PIGW: variants seen among roughly 807,000 people sequenced by gnomAD.
The protein encoded by PIGW is glucosaminyl-phosphatidylinositol-acyltransferase PIGW.
PIGW carries 23 observed loss-of-function variants against 34.0 expected under a neutral mutation model. The observed-to-expected ratio is 0.68, with a 90% CI of 0.49 to 0.96. The LOEUF (loss-of-function observed/expected upper bound fraction) is 0.96. Among genes scored for constraint, PIGW ranks in the 40% least tolerant of loss-of-function variants. PIGW has a pLI of 0.00. For synonymous variants in PIGW, 225 were observed against 225.2 expected, an observed-to-expected ratio of 1.00 and a Z score of 0.01; for missense variants, 574 against 586.3, an observed-to-expected ratio of 0.98 and a Z score of 0.22.
At position 36,537,331 on chromosome 17, in the gene PIGW, C is replaced by T. The variant is rs762681049; in HGVS notation, c.230C>T (p.Ser77Leu). 4.3e-5 allele frequency: 70 copies of T among 1,613,868 alleles called. No homozygotes were observed. The highest frequency in any genetic ancestry group is 5.7e-5 in the Non-Finnish European group (67 of 1,180,028). ...PMVATLTIWA[S>L]FILLELLGVI... is the part of the protein sequence containing the mutation. ...GTAGCCACTTTGACCATTTGGGCTT[C>T]ATTTATCCTCCTTGAGCTTCTCGGT... The change falls in exon 2 of 2, where the codon TCA (serine) becomes TTA (leucine). Residue 77 changes from serine to leucine, a missense_variant. Ser to Leu is a moderately radical substitution (Grantham distance 145). Transcript: ENST00000614443.
At chr17:36,536,160 G>A (rs796151173) in intron 1 of PIGW, among the ~76,000 whole-genome samples, 28 of 152,130 alleles carry the variant, frequency 1.8e-4, no homozygotes, top group African/African-American at 6.5e-4. Flanking sequence ...ACTAGTATGT[G>A]CTATACATCC....
In PIGW at chr17:36,537,844, T is replaced by C. The variant is rs377207002; in HGVS notation, c.743T>C (p.Ile248Thr). 3.7e-6 allele frequency: 6 copies of C among 1,614,068 alleles called. No individual in the cohort carries two copies. Among genetic ancestry groups the C allele is most frequent in the Admixed American group, 1.7e-5 (1 of 60,010 alleles). ...FFFTIIVVKLITPLLLIIFPL... is the reference protein window; with the variant it reads ...FFFTIIVVKLTTPLLLIIFPL... Reference sequence around the variant, plus strand: ...TTTACCATAATAGTTGTGAAATTGATAACACCACTGCTGTTGATTATTTTT... The same window carrying C: ...TTTACCATAATAGTTGTGAAATTGACAACACCACTGCTGTTGATTATTTTT... Residue 248 changes from isoleucine to threonine, a missense_variant, in exon 2 of 2, where the codon ATA becomes ACA. Coordinates refer to ENST00000614443, the MANE Select transcript of PIGW (RefSeq NM_001346754.2).
Position 36,538,628 on chromosome 17 carries a change from AG to A in PIGW, c.*14del. Reference sequence around the variant, plus strand: ...TACAATTTTGGTGATCAGCAGGAGTAGGATATATAAGTATTTGGGCAATATT... The same window carrying A: ...TACAATTTTGGTGATCAGCAGGAGTAGATATATAAGTATTTGGGCAATATT... On this transcript the variant is annotated 3_prime_UTR_variant, in exon 2 of 2. Transcript: ENST00000614443. The A allele has an allele frequency of 6.5e-7, 1 of 1,532,374 alleles. No homozygotes were observed. The highest frequency in any genetic ancestry group is 1.2e-5 in the South Asian group (1 of 83,398). The allele number at this position is 1,532,374 out of a possible 1,614,324, so 94.9% of individuals were successfully genotyped here.
rs2142574368 is a variant in PIGW, at chr17:36,535,088, G to A, written c.-513G>A. 1 of 152,374 alleles carries A rather than the reference G, an allele frequency of 6.6e-6. No homozygotes were observed. The highest frequency in any genetic ancestry group is 2.1e-4 in the South Asian group (1 of 4,832). The allele number at this position is 152,374 out of a possible 1,614,324, so 9.4% of individuals were successfully genotyped here. ...TTTTGCGACCCTGGGGTAAAATGAG[G>A]GTAAAGCGGCAGCTTCCCACGTTCT... On this transcript the variant is annotated 5_prime_UTR_variant, in exon 1 of 2. Transcript: ENST00000614443.
Position 36,537,612 on chromosome 17 carries a change from G to C in PIGW, c.511G>C (p.Val171Leu). ...LYGTGAMDFG[V>L]GGFVFGSAMV... ...TGGGACAGGAGCAATGGATTTTGGA[G>C]TAGGTGGCTTTGTTTTTGGGTCTGC... is the stretch of plus-strand genomic sequence containing the variant. The change falls in exon 2 of 2, where the codon GTA becomes CTA. Residue 171 changes from valine to leucine, a missense_variant. Coordinates refer to ENST00000614443, the MANE Select transcript of PIGW (RefSeq NM_001346754.2). 1 of 1,614,172 alleles carries C rather than the reference G, an allele frequency of 6.2e-7. No homozygotes were observed. Among genetic ancestry groups the C allele is most frequent in the Non-Finnish European group, 8.5e-7 (1 of 1,180,038 alleles).
In PIGW at chr17:36,537,959, A is replaced by G. The variant is rs750915031; in HGVS notation, c.858A>G (p.Leu286=). 8 of 1,614,078 alleles carry G rather than the reference A, an allele frequency of 5.0e-6. No homozygotes were observed. The Admixed American group carries it at 1.2e-4, about 24-fold the overall frequency. ...TTACCTCACTGAAGAGGTTAATATT[A>G]TATGGCACTGATGGTAGTGGCACAC... The part of the protein sequence containing the change: ...LDFTSLKRLI[L]YGTDGSGTRV... Residue 286 remains leucine (L), a synonymous_variant, in exon 2 of 2, where the codon TTA becomes TTG. Transcript: ENST00000614443.
Position 36,538,258 on chromosome 17 carries a change from G to A in PIGW, c.1157G>A (p.Ser386Asn), listed in dbSNP as rs1469255144. 4 of 1,613,268 alleles carry A rather than the reference G, an allele frequency of 2.5e-6. No homozygotes were observed. Among genetic ancestry groups the A allele is most frequent in the Non-Finnish European group, 3.4e-6 (4 of 1,179,996 alleles). ...GTTGCTTCTAGCCTGATCCTTCTTA[G>A]TAGTTTATTACTGGGTGATATAATT... ...WIVASSLILL[S>N]SLLLGDIILS... The change falls in exon 2 of 2, where the codon AGT becomes AAT. Residue 386 changes from serine to asparagine, a missense_variant. Ser to Asn is a conservative substitution (Grantham distance 46). Coordinates refer to ENST00000614443, the MANE Select transcript of PIGW (RefSeq NM_001346754.2).
chr17:36,537,700 C>T lies in PIGW; in HGVS notation c.599C>T (p.Thr200Ile), dbSNP rs753730055. ...YMEGSKLHYF[T>I]NSLYSVWPLV... Reference sequence around the variant, plus strand: ...GAAGGGTCCAAATTGCATTACTTTACAAACTCATTGTACTCTGTTTGGCCA... The same window carrying T: ...GAAGGGTCCAAATTGCATTACTTTATAAACTCATTGTACTCTGTTTGGCCA... The change falls in exon 2 of 2, where the codon ACA (threonine) becomes ATA (isoleucine). Residue 200 changes from threonine (T) to isoleucine (I), a missense_variant. Physicochemically the swap from Thr to Ile is moderately conservative, Grantham distance 89 (BLOSUM62 -1). Coordinates refer to ENST00000614443, the MANE Select transcript of PIGW (RefSeq NM_001346754.2). 50 of 1,614,146 alleles carry T rather than the reference C, an allele frequency of 3.1e-5. No homozygotes were observed. Among genetic ancestry groups the T allele is most frequent in the Non-Finnish European group, 4.2e-5 (50 of 1,180,032 alleles).
In PIGW at chr17:36,538,309, A is replaced by C; in HGVS notation, c.1208A>C (p.Lys403Thr). The change falls in exon 2 of 2, where the codon AAA (lysine) becomes ACA (threonine). Residue 403 changes from lysine to threonine, a missense_variant. By Grantham distance (78) the Lys-to-Thr change is moderately conservative. Coordinates refer to ENST00000614443, the MANE Select transcript of PIGW (RefSeq NM_001346754.2). ...IILSFAKFLI[K>T]GALVPCSWKL... Reference sequence around the variant, plus strand: ...TTGAGTTTTGCCAAATTTCTAATTAAAGGAGCTCTAGTACCATGTTCTTGG... The same window carrying C: ...TTGAGTTTTGCCAAATTTCTAATTACAGGAGCTCTAGTACCATGTTCTTGG... 6.2e-7 allele frequency: 1 copy of C among 1,613,594 alleles called. No homozygotes were observed.
Position 36,538,979 on chromosome 17 carries a change from C to G in PIGW, c.*363C>G, listed in dbSNP as rs1320953748. 7.2e-5 allele frequency: 13 copies of G among 179,316 alleles called. No individual in the cohort carries two copies. 11.1% of individuals were successfully genotyped at this position (179,316 alleles called of 1,614,324 possible). A position where few individuals can be genotyped will look rare whatever the true frequency, so the allele number is the denominator to read the frequency against. ...ATATTGGCCAGGCTGGTCTCAAACTCCTGAACTCAAGTGATAACACCCACC... is the reference window on the plus strand; with the variant it reads ...ATATTGGCCAGGCTGGTCTCAAACTGCTGAACTCAAGTGATAACACCCACC... On this transcript the variant is annotated 3_prime_UTR_variant, in exon 2 of 2. Coordinates refer to ENST00000614443, the MANE Select transcript of PIGW (RefSeq NM_001346754.2).
In PIGW at chr17:36,538,084, A is replaced by AC; in HGVS notation, c.983_984insC (p.Lys328AsnfsTer22). On this transcript the variant is annotated frameshift_variant, in exon 2 of 2. Transcript: ENST00000614443. LOFTEE classifies it high-confidence loss of function. ...GTGCAAACAGGGTTATATATGCATAAGAACCGATCACATATCAAAGACTTG... is the reference window on the plus strand; with the variant it reads ...GTGCAAACAGGGTTATATATGCATAACGAACCGATCACATATCAAAGACTTG... 6.2e-7 allele frequency: 1 copy of AC among 1,614,242 alleles called. No individual in the cohort carries two copies. The highest frequency in any genetic ancestry group is 1.1e-5 in the South Asian group (1 of 91,090).
rs375324713 is a variant in PIGW at position 36,537,245 on chromosome 17, T to C, written c.144T>C (p.Ser48=). The C allele has an allele frequency of 3.1e-6, 5 of 1,614,054 alleles. No individual in the cohort carries two copies. In the African/African-American group the frequency reaches 5.3e-5, roughly 17 times the overall value. ...TCATTTTCTCACAGTACTTGTGTTCTTTTTCACCTACCTGGAAAACTAGAT... is the reference window on the plus strand; with the variant it reads ...TCATTTTCTCACAGTACTTGTGTTCCTTTTCACCTACCTGGAAAACTAGAT... ...FLIIFSQYLC[S]FSPTWKTRFL... Residue 48 remains serine (S), a synonymous_variant, in exon 2 of 2, where the codon TCT becomes TCC. Coordinates refer to ENST00000614443, the MANE Select transcript of PIGW (RefSeq NM_001346754.2).
chr17:36,535,022 G>C lies in PIGW; in HGVS notation c.-579G>C, dbSNP rs1437015826. 1.3e-5 allele frequency: 2 copies of C among 152,526 alleles called. No individual in the cohort carries two copies. The highest frequency in any genetic ancestry group is 2.4e-5 in the African/African-American group (1 of 41,594). 9.4% of individuals were successfully genotyped at this position (152,526 alleles called of 1,614,324 possible). On this transcript the variant is annotated 5_prime_UTR_variant, in exon 1 of 2. Transcript: ENST00000614443. ...CGGGGCGCGCACGTGGCTTGGCCGG[G>C]ACGCCTGGTCCGGCTTGCTGGCTTC...
rs1055383240 is a variant in PIGW, at chr17:36,535,244, C to T, written c.-357C>T. 1 of 143,892 alleles carries T rather than the reference C, an allele frequency of 6.9e-6. No homozygotes were observed. Among genetic ancestry groups the T allele is most frequent in the African/African-American group, 2.9e-5 (1 of 34,690 alleles). The allele number at this position is 143,892 out of a possible 1,614,324, so 8.9% of individuals were successfully genotyped here. On this transcript the variant is annotated 5_prime_UTR_variant, in exon 1 of 2. Transcript: ENST00000614443. ...AGTGTTGTGCGAGGCCGGCGGACAC[C>T]ATTACCCTGATAGGGCCTCGCCGTG...
rs1481114982 is a variant in PIGW, at chr17:36,538,634, T to C, written c.*18T>C. Reference sequence around the variant, plus strand: ...TTTGGTGATCAGCAGGAGTAGGATATATAAGTATTTGGGCAATATTTAATG... The same window carrying C: ...TTTGGTGATCAGCAGGAGTAGGATACATAAGTATTTGGGCAATATTTAATG... On this transcript the variant is annotated 3_prime_UTR_variant, in exon 2 of 2. Coordinates refer to ENST00000614443, the MANE Select transcript of PIGW (RefSeq NM_001346754.2). 6.5e-7 allele frequency: 1 copy of C among 1,527,220 alleles called. No individual in the cohort carries two copies. The highest frequency in any genetic ancestry group is 8.9e-7 in the Non-Finnish European group (1 of 1,122,428). 94.6% of individuals were successfully genotyped at this position (1,527,220 alleles called of 1,614,324 possible).
intron 1 of PIGW, among the ~76,000 whole-genome samples, chr17:36,536,496 G>T (rs1176908506): frequency 2.0e-5 from 3 of 149,710 alleles, no homozygotes; most frequent in Non-Finnish European, 4.4e-5. Context: ...TCCCAAATTC[G>T]CTCTCTTTTC....
Position 36,538,575 on chromosome 17 carries a change from T to C in PIGW, c.1474T>C (p.Tyr492His), listed in dbSNP as rs2074175767. The C allele has an allele frequency of 6.2e-7, 1 of 1,612,976 alleles. No homozygotes were observed. The highest frequency in any genetic ancestry group is 8.5e-7 in the Non-Finnish European group (1 of 1,179,222). ...TATGTTTTCCAACTGTTTAATTGTATATGTACTATATTTGCAAGATAAGAC... is the reference window on the plus strand; with the variant it reads ...TATGTTTTCCAACTGTTTAATTGTACATGTACTATATTTGCAAGATAAGAC... The part of the protein sequence containing the change: ...LYMFSNCLIV[Y>H]VLYLQDKTVQ... Residue 492 changes from tyrosine (Y) to histidine (H), a missense_variant, in exon 2 of 2, where the codon TAT becomes CAT. Physicochemically the swap from Tyr to His is moderately conservative, Grantham distance 83 (BLOSUM62 2). Coordinates refer to ENST00000614443, the MANE Select transcript of PIGW (RefSeq NM_001346754.2).
At chr17:36,535,826 CT>C (rs77584694) in intron 1 of PIGW, among the ~76,000 whole-genome samples, 347 of 143,416 alleles carry the variant, frequency 2.4e-3, no homozygotes, top group Non-Finnish European at 2.7e-3. Flanking sequence ...TTTAATTTTT[CT>C]TTTTTTTTTT....
chr17:36,537,449 C>A lies in PIGW; in HGVS notation c.348C>A (p.Phe116Leu), dbSNP rs766615427. Residue 116 changes from phenylalanine to leucine, a missense_variant, in exon 2 of 2, where the codon TTC (phenylalanine) becomes TTA (leucine). By Grantham distance (22) the Phe-to-Leu change is conservative. Coordinates refer to ENST00000614443, the MANE Select transcript of PIGW (RefSeq NM_001346754.2). ...RLPFLKILEK[F>L]LNISLESEYN... is the part of the protein sequence containing the mutation. ...CTTTCCTAAAAATCCTTGAAAAATT[C>A]TTGAACATCAGTCTAGAATCAGAAT... 3.1e-6 allele frequency: 5 copies of A among 1,614,188 alleles called. No homozygotes were observed. The highest frequency in any genetic ancestry group is 4.2e-6 in the Non-Finnish European group (5 of 1,180,036).
Sources: gnomAD v4.1 joint callset for allele counts (sites outside exome capture counted in the v4.1 genomes callset) on GRCh38, gnomAD v4.1.1 for gene constraint, MANE v1.5 for transcripts, NCBI Gene and HGNC (gene_info 2026-07-23, HGNC 2026-07-21) for gene names.